Variants in ABCB1 observed in about 807,000 individuals in gnomAD.
The protein encoded by ABCB1 is ATP-dependent translocase ABCB1.
Under a neutral mutation model 142.0 loss-of-function variants are expected in ABCB1, and 69 were observed. That is an observed-to-expected ratio of 0.49 (90% CI 0.40 to 0.59). ABCB1 has a LOEUF of 0.59. Ranked by LOEUF, ABCB1 falls within the 20% of genes least tolerant of loss-of-function variation. The pLI, the probability that ABCB1 is intolerant of heterozygous loss-of-function variation, is 0.00. For synonymous variants in ABCB1, 532 were observed against 539.2 expected, an observed-to-expected ratio of 0.99 and a Z score of 0.18; for missense variants, 1,326 against 1,554.7, an observed-to-expected ratio of 0.85 and a Z score of 2.47.
intron 1 of ABCB1, among the ~76,000 whole-genome samples, chr7:87,702,142 CAAAAAA>C (rs146127516): frequency 1.0e-3 from 17 of 16,768 alleles, no homozygotes; most frequent in Admixed American, 2.1e-3. Context: ...GACTCTGTCT[CAAAAAA>C]AAAAAAAAAA....
At chr7:87,578,074 T>A (rs942194020) in intron 4 of ABCB1, among the ~76,000 whole-genome samples, 45 of 152,342 alleles carry the variant, frequency 3.0e-4, no homozygotes, top group African/African-American at 9.9e-4. Flanking sequence ...AAGTCTTTAA[T>A]CCATATTGAT....
chr7:87,585,051 G>C (rs1204783741), intron 4 of ABCB1, among the ~76,000 whole-genome samples: 2 of 151,310 alleles, frequency 1.3e-5, no homozygotes, highest in Non-Finnish European at 2.9e-5. Context: ...TAAATTTCTG[G>C]GATTTATTGC....
chr7:87,542,223 TTAAA>T (rs768804399), intron 17 of ABCB1, among the ~76,000 whole-genome samples: 10 of 152,200 alleles, frequency 6.6e-5, no homozygotes, highest in South Asian at 2.1e-4. Context: ...TTTGAAGAGA[TTAAA>T]TAATTTTTTT....
chr7:87,712,732 G>T (rs1830198761), intron 1 of ABCB1, among the ~76,000 whole-genome samples: 1 of 151,942 alleles, frequency 6.6e-6, no homozygotes, highest in Non-Finnish European at 1.5e-5. Context: ...CTCTAAAAAA[G>T]TACATGAAGT....
intron 1 of ABCB1, among the ~76,000 whole-genome samples, chr7:87,671,813 G>T (rs1162397664): frequency 6.6e-6 from 1 of 152,182 alleles, no homozygotes; most frequent in Non-Finnish European, 1.5e-5. Flanking sequence ...AAACCTGAAG[G>T]CTGGAAAAGC....
chr7:87,505,502 A>G (rs1247304776), intron 27 of ABCB1, among the ~76,000 whole-genome samples: 2 of 152,190 alleles, frequency 1.3e-5, no homozygotes, highest in African/African-American at 4.8e-5. Flanking sequence ...AGATAATCTG[A>G]ATTTTTAACG....
At chr7:87,579,036 C>T (rs1310051235) in intron 4 of ABCB1, among the ~76,000 whole-genome samples, 1 of 152,134 alleles carries the variant, frequency 6.6e-6, no homozygotes, top group Non-Finnish European at 1.5e-5. Flanking sequence ...TTGCTGTCAC[C>T]ATGTAGAAAT....
chr7:87,656,395 G>A (rs1381885379), intron 1 of ABCB1, among the ~76,000 whole-genome samples: 1 of 152,078 alleles, frequency 6.6e-6, no homozygotes, highest in Non-Finnish European at 1.5e-5. Context: ...TTAGGAATTG[G>A]TTGGTTGTGG....
chr7:87,522,733 C>T (rs970834696), intron 21 of ABCB1, among the ~76,000 whole-genome samples: 6 of 151,652 alleles, frequency 4.0e-5, no homozygotes, highest in Non-Finnish European at 8.8e-5. Context: ...GATCATAATG[C>T]TGAATAAATG....
rs193236758 is a variant in ABCB1, at chr7:87,511,354, C to T, written c.3283-1873G>A. Among the ~76,000 whole-genome samples the T allele has an allele frequency of 3.9e-4, 59 of 152,202 alleles. 2 individuals are homozygous for T. The highest frequency in any genetic ancestry group is 2.9e-5 in the Non-Finnish European group (2 of 68,022). On this transcript the variant is annotated intron_variant, in intron 25 of 27. Transcript: ENST00000622132. ...ATAAAAATATAACTAGGAAAGTAAA[C>T]CTATTGGTAAGAAATAATGAAAGGC...
chr7:87,661,709 A>C (rs988774858), intron 1 of ABCB1, among the ~76,000 whole-genome samples: 6 of 152,036 alleles, frequency 3.9e-5, no homozygotes, highest in African/African-American at 1.2e-4. Flanking sequence ...GCTGCAATAA[A>C]CATTGGAGTG....
At chr7:87,606,127 A>G (rs1160813497) in intron 1 of ABCB1, among the ~76,000 whole-genome samples, 2 of 152,084 alleles carry the variant, frequency 1.3e-5, no homozygotes, top group African/African-American at 2.4e-5. Flanking sequence ...TAAATGGATA[A>G]GAAAAAATTC....
rs1554444008 is a variant in ABCB1 at position 87,626,091 on chromosome 7, T to TATATATATATCTCATATATATGTGTC, written c.-330-25014_-330-25013insGACACATATATATGAGATATATATAT. ...CCAGGCTGAGACATATATATATATA[T>TATATATATATCTCATATATATGTGTC]ATATATATTGTCATATATATGTGTC... On this transcript the variant is annotated intron_variant, in intron 1 of 28. Transcript: ENST00000265724. Among the ~76,000 whole-genome samples, 14 of 95,794 alleles carry TATATATATATCTCATATATATGTGTC rather than the reference T, an allele frequency of 1.5e-4. 2 individuals are homozygous for TATATATATATCTCATATATATGTGTC. The highest frequency in any genetic ancestry group is 7.0e-4 in the African/African-American group (11 of 15,720). The allele number at this position is 95,794 out of a possible 152,430, so 62.8% of individuals were successfully genotyped here.
chr7:87,521,579 T>C (rs1006504070), intron 21 of ABCB1: 18 of 757,200 alleles, frequency 2.4e-5, no homozygotes, highest in Admixed American at 1.4e-4. Flanking sequence ...CAATGGGGAA[T>C]GCTCATGGAT....
chr7:87,689,001 C>T (rs772969780), intron 1 of ABCB1, among the ~76,000 whole-genome samples: 7 of 151,932 alleles, frequency 4.6e-5, no homozygotes, highest in Non-Finnish European at 1.0e-4. Context: ...TGGTTCTAAA[C>T]TTTAGTACAC....
rs1180013898 is a variant in ABCB1, at chr7:87,600,205, C to T, written c.-6-15G>A. The T allele has an allele frequency of 1.2e-6, 2 of 1,611,984 alleles. No individual in the cohort carries two copies. Among genetic ancestry groups the T allele is most frequent in the Admixed American group, 1.7e-5 (1 of 59,998 alleles). On this transcript the variant is annotated splice_polypyrimidine_tract_variant and intron_variant, in intron 1 of 27. Coordinates refer to ENST00000622132, the MANE Select transcript of ABCB1 (RefSeq NM_001348946.2). ...TCCATTCCGACCTGAAGAGAAACCG[C>T]AGCTCATTAGCCAAATGCATGAGCC...
At chr7:87,691,045 A>G (rs1455602184) in intron 1 of ABCB1, among the ~76,000 whole-genome samples, 1 of 152,180 alleles carries the variant, frequency 6.6e-6, no homozygotes, top group African/African-American at 2.4e-5. Flanking sequence ...TCAATGATCA[A>G]AGAAATGGAA....
At chr7:87,526,543 T>C (rs1815791351) in intron 21 of ABCB1, among the ~76,000 whole-genome samples, 2 of 151,740 alleles carry the variant, frequency 1.3e-5, no homozygotes, top group African/African-American at 4.8e-5. Flanking sequence ...AAAAAAAAGA[T>C]TCTTATAACC....
chr7:87,556,628 G>A (rs976028370), intron 8 of ABCB1, among the ~76,000 whole-genome samples: 2 of 152,166 alleles, frequency 1.3e-5, no homozygotes, highest in Non-Finnish European at 1.5e-5. Context: ...CTCTGCTCCA[G>A]ATCAGGGAGA....
Sources: gnomAD v4.1 joint callset for allele counts (sites outside exome capture counted in the v4.1 genomes callset) on GRCh38, gnomAD v4.1.1 for gene constraint, MANE v1.5 for transcripts, NCBI Gene and HGNC (gene_info 2026-07-23, HGNC 2026-07-21) for gene names.